Variants in CFAP251 observed in about 807,000 individuals in gnomAD.
CFAP251 encodes the protein cilia- and flagella-associated protein 251.
A neutral mutation model predicts 126.7 loss-of-function variants in CFAP251; 93 were observed. That is an observed-to-expected ratio of 0.73 (90% CI 0.62 to 0.87). The LOEUF (loss-of-function observed/expected upper bound fraction) is 0.87. Ranked by LOEUF, CFAP251 falls within the 40% of genes least tolerant of loss-of-function variation. The pLI, the probability that CFAP251 is intolerant of heterozygous loss-of-function variation, is 0.00. For synonymous variants in CFAP251, 503 were observed against 506.9 expected (o/e 0.99, Z 0.10); for missense variants, 1,287 against 1,389.2 (o/e 0.93, Z 1.17).
Position 121,957,148 on chromosome 12 carries a change from G to A in CFAP251, c.1610G>A (p.Ser537Asn). 1 of 1,614,128 alleles carries A rather than the reference G, an allele frequency of 6.2e-7. No homozygotes were observed. The highest frequency in any genetic ancestry group is 8.5e-7 in the Non-Finnish European group (1 of 1,180,008). ...DHTLSIVNWYSHLKLGAIRTL... is the reference protein window; with the variant it reads ...DHTLSIVNWYNHLKLGAIRTL... ...ACCCTGTCTATTGTTAACTGGTACAGTCACTTGAAACTGGGCGCCATAAGA... is the reference window on the plus strand; with the variant it reads ...ACCCTGTCTATTGTTAACTGGTACAATCACTTGAAACTGGGCGCCATAAGA... Residue 537 changes from serine (S) to asparagine (N), a missense_variant, in exon 11 of 22, where the codon AGT becomes AAT. Transcript: ENST00000288912.
At chr12:121,924,533 A>G (rs1880330573) in intron 3 of CFAP251, among the ~76,000 whole-genome samples, 2 of 150,134 alleles carry the variant, frequency 1.3e-5, no homozygotes, top group African/African-American at 4.9e-5. Context: ...CCCGGGTTCA[A>G]GCGATTCTCC....
At chr12:121,920,747 G>T (rs1266789300) in intron 1 of CFAP251, among the ~76,000 whole-genome samples, 1 of 151,744 alleles carries the variant, frequency 6.6e-6, no homozygotes, top group Non-Finnish European at 1.5e-5. Context: ...GGCCAGGCTG[G>T]TCTCAAACTC....
rs1235673996 is a variant in CFAP251, at chr12:121,958,359, G to A, written c.1818G>A (p.Lys606=). Residue 606 remains lysine (K), a synonymous_variant, in exon 12 of 22, where the codon AAG becomes AAA. Coordinates refer to ENST00000288912, the MANE Select transcript of CFAP251 (RefSeq NM_144668.6). ...TTGAGAAGTTATTTGTAGAGCCCAA[G>A]GATGCCATTTGTGCCATCTCCTGCC... is the stretch of plus-strand genomic sequence containing the variant. ...TKLEKLFVEP[K]DAICAISCHP... 43 of 1,614,078 alleles carry A rather than the reference G, an allele frequency of 2.7e-5. No individual in the cohort carries two copies. The highest frequency in any genetic ancestry group is 3.6e-5 in the Non-Finnish European group (43 of 1,180,044).
At chr12:121,973,845 C>T (rs1882393920) in intron 17 of CFAP251, among the ~76,000 whole-genome samples, 2 of 152,178 alleles carry the variant, frequency 1.3e-5, no homozygotes, top group Non-Finnish European at 2.9e-5. Context: ...TTTGATTTTA[C>T]AGGCAGAAGG....
intron 15 of CFAP251, among the ~76,000 whole-genome samples, chr12:121,963,893 G>T (rs1351554078): frequency 6.6e-6 from 1 of 151,928 alleles, no homozygotes; most frequent in African/African-American, 2.4e-5. Context: ...TACCTGGTCA[G>T]CCCTGGAGGG....
rs753871970 is a variant in CFAP251 at position 121,962,076 on chromosome 12, C to T, written c.2406C>T (p.Tyr802=). ...GCTATCCCACCTGCATGGTCTGGTA[C>T]CCACCACTCACCAGGGAACTCTTCC... ...QGCYPTCMVW[Y]PPLTRELFLL... The change falls in exon 15 of 22, where the codon TAC becomes TAT. Residue 802 remains tyrosine, a synonymous_variant. Coordinates refer to ENST00000288912, the MANE Select transcript of CFAP251 (RefSeq NM_144668.6). The T allele has an allele frequency of 1.9e-6, 3 of 1,613,904 alleles. No homozygotes were observed. The highest frequency in any genetic ancestry group is 2.5e-6 in the Non-Finnish European group (3 of 1,180,028).
At chr12:121,971,764 T>C in intron 17 of CFAP251, 1 of 605,928 alleles carries the variant, frequency 1.7e-6, no homozygotes, top group Middle Eastern at 2.9e-4. Flanking sequence ...GTGATATGGT[T>C]TGGCTCTGTG....
At chr12:121,954,060 GA>G in intron 9 of CFAP251, 59 bp from the exon 10 acceptor site, 1 of 1,413,440 alleles carries the variant, frequency 7.1e-7, no homozygotes, top group South Asian at 1.2e-5. Flanking sequence ...ATATCGTATT[GA>G]TAAATGCTTT....
chr12:121,973,354 CA>C (rs2135797851), intron 17 of CFAP251, among the ~76,000 whole-genome samples: 1 of 152,330 alleles, frequency 6.6e-6, no homozygotes, highest in East Asian at 1.9e-4. Context: ...AAGTTTGTTG[CA>C]GGGGCGGGGC....
At chr12:121,919,445 C>A (rs1880066699) in intron 1 of CFAP251, among the ~76,000 whole-genome samples, 1 of 152,096 alleles carries the variant, frequency 6.6e-6, no homozygotes, top group South Asian at 2.1e-4. Flanking sequence ...ATTAGGGTTG[C>A]TTTTCTCTCA....
chr12:121,957,513 G>A (rs1043882652), intron 11 of CFAP251, among the ~76,000 whole-genome samples: 1 of 151,852 alleles, frequency 6.6e-6, no homozygotes, highest in Non-Finnish European at 1.5e-5. Flanking sequence ...GACCATCCTG[G>A]CTAACATGGT....
At chr12:121,951,283 T>C (rs1881514854) in intron 8 of CFAP251, 197 bp from the exon 9 acceptor site, 2 of 434,238 alleles carry the variant, frequency 4.6e-6, no homozygotes, top group African/African-American at 2.0e-5. Flanking sequence ...ATTTGTGGCA[T>C]TTTTTATATT....
intron 12 of CFAP251, 27 bp downstream of exon 12, chr12:121,958,549 C>T: frequency 6.2e-7 from 1 of 1,613,214 alleles, no homozygotes; most frequent in East Asian, 2.2e-5. Context: ...AGCCTACCAT[C>T]GGTTCCACAT....
At chr12:122,000,665 TTATTG>T (rs1883128698) in intron 20 of CFAP251, among the ~76,000 whole-genome samples, 1 of 152,202 alleles carries the variant, frequency 6.6e-6, no homozygotes, top group African/African-American at 2.4e-5. Context: ...ATGTTTCTCA[TTATTG>T]TACATGAGGA....
At chr12:121,986,004 AT>A (rs1882737132) in intron 19 of CFAP251, among the ~76,000 whole-genome samples, 1 of 151,824 alleles carries the variant, frequency 6.6e-6, no homozygotes, top group Non-Finnish European at 1.5e-5. Context: ...AATTATTATT[AT>A]TTTTTTGAGA....
chr12:121,981,022 A>G (rs976985418), intron 19 of CFAP251, among the ~76,000 whole-genome samples: 1 of 152,240 alleles, frequency 6.6e-6, no homozygotes, highest in African/African-American at 2.4e-5. Flanking sequence ...CCCAGCGCAC[A>G]GAGGTGCTTA....
intron 19 of CFAP251, among the ~76,000 whole-genome samples, chr12:121,990,141 A>G (rs1882843641): frequency 6.6e-6 from 1 of 152,184 alleles, no homozygotes; most frequent in Non-Finnish European, 1.5e-5. Context: ...TGACAGTTCA[A>G]CCTTCAACAT....
At chr12:122,000,021 C>A in intron 20 of CFAP251, 77 bp downstream of exon 20, 2 of 1,313,408 alleles carry the variant, frequency 1.5e-6, no homozygotes, top group Admixed American at 2.0e-5. Flanking sequence ...GGGGAGCCAG[C>A]CCCTGTGGAG....
At chr12:121,997,179 G>A (rs1434361013) in intron 19 of CFAP251, 1 of 152,286 alleles carries the variant, frequency 6.6e-6, no homozygotes, top group Non-Finnish European at 1.5e-5. Flanking sequence ...GCCAGTACAT[G>A]GGGCGAGGAG....
Sources: allele counts gnomAD v4.1 joint callset (sites outside exome capture counted in the v4.1 genomes callset), GRCh38; gene constraint gnomAD v4.1.1; transcripts MANE v1.5; gene names NCBI Gene and HGNC (gene_info 2026-07-23, HGNC 2026-07-21).